The following DLGAP2 variants were observed in gnomAD, a reference collection of about 807,000 sequenced individuals.
The protein encoded by DLGAP2 is DLG associated protein 2, also known as disks large-associated protein 2.
DLGAP2 carries 26 observed loss-of-function variants against 100.3 expected under a neutral mutation model. The observed-to-expected ratio is 0.26, with a 90% CI of 0.19 to 0.36. The LOEUF (loss-of-function observed/expected upper bound fraction) is 0.36, where lower values mean the gene tolerates loss of function less well. DLGAP2 is among the 10% of genes least tolerant of loss of function. The pLI is 1.00. For missense variants in DLGAP2, 1,858 were observed against 1,453.2 expected, an observed-to-expected ratio of 1.28 and a Z score of -4.53; for synonymous variants, 886 against 630.1, an observed-to-expected ratio of 1.41 and a Z score of -6.08.
intron 3 of DLGAP2, among the ~76,000 whole-genome samples, chr8:1,333,493 C>T (rs1335349356): frequency 6.6e-6 from 1 of 152,122 alleles, no homozygotes; most frequent in Admixed American, 6.5e-5. Context: ...TTTGTGAGCT[C>T]TTCCACAGAC....
intron 3 of DLGAP2, among the ~76,000 whole-genome samples, chr8:1,388,648 G>A (rs1163345958): frequency 2.3e-5 from 2 of 85,242 alleles, no homozygotes; most frequent in African/African-American, 4.3e-5. Flanking sequence ...TCAGGGCTGT[G>A]AGAGGCAGAC....
chr8:771,974 C>T (rs1412371704), intron 1 of DLGAP2, among the ~76,000 whole-genome samples: 2 of 152,154 alleles, frequency 1.3e-5, no homozygotes, highest in Admixed American at 1.3e-4. Flanking sequence ...ACCATCATAG[C>T]TCACTATAGC....
At chr8:751,047 A>G (rs938686296) in intron 1 of DLGAP2, among the ~76,000 whole-genome samples, 1 of 151,564 alleles carries the variant, frequency 6.6e-6, no homozygotes, top group African/African-American at 2.4e-5. Flanking sequence ...GGAAAGGAGC[A>G]TTTTCCTGGA....
chr8:903,953 C>T (rs1798320412), intron 1 of DLGAP2, among the ~76,000 whole-genome samples: 1 of 152,216 alleles, frequency 6.6e-6, no homozygotes, highest in Non-Finnish European at 1.5e-5. Context: ...GCACGGGAGG[C>T]ATCAGGGAGG....
chr8:1,178,752 C>G (rs981365149), intron 2 of DLGAP2, among the ~76,000 whole-genome samples: 9 of 152,232 alleles, frequency 5.9e-5, no homozygotes, highest in Admixed American at 3.9e-4. Flanking sequence ...CAGAGACAGT[C>G]TTACCTGCAA....
intron 2 of DLGAP2, among the ~76,000 whole-genome samples, chr8:1,081,250 C>T (rs1803798420): frequency 6.6e-6 from 1 of 152,214 alleles, no homozygotes; most frequent in Non-Finnish European, 1.5e-5. Flanking sequence ...GAACTACTTA[C>T]AGGTTCCTGC....
chr8:1,445,696 A>C (rs1481870132), intron 3 of DLGAP2, among the ~76,000 whole-genome samples: 4 of 152,218 alleles, frequency 2.6e-5, no homozygotes, highest in African/African-American at 9.6e-5. Context: ...ACTAATTTAC[A>C]GTCCCACTAA....
chr8:1,179,017 G>A (rs1240395424), intron 2 of DLGAP2, among the ~76,000 whole-genome samples: 1 of 152,206 alleles, frequency 6.6e-6, no homozygotes, highest in Admixed American at 6.5e-5. Context: ...AGCCCCTGCT[G>A]TAAAACTCCC....
chr8:1,469,897 C>T (rs1389252806), intron 3 of DLGAP2, among the ~76,000 whole-genome samples: 2 of 151,922 alleles, frequency 1.3e-5, no homozygotes, highest in South Asian at 2.1e-4. Flanking sequence ...TGGTTTATGC[C>T]TGTAATCCCA....
At chr8:1,440,386 G>C (rs1183144989) in intron 3 of DLGAP2, among the ~76,000 whole-genome samples, 1 of 152,188 alleles carries the variant, frequency 6.6e-6, no homozygotes, top group Non-Finnish European at 1.5e-5. Flanking sequence ...AAAAGTGAAT[G>C]TAAATATACA....
chr8:1,172,111 T>G (rs1009894112), intron 2 of DLGAP2, among the ~76,000 whole-genome samples: 2 of 151,852 alleles, frequency 1.3e-5, no homozygotes, highest in South Asian at 2.1e-4. Context: ...TTTGCTTGTC[T>G]GTAAAGTATT....
intron 1 of DLGAP2, among the ~76,000 whole-genome samples, chr8:882,521 G>T (rs578012190): frequency 1.1e-5 from 1 of 92,050 alleles, no homozygotes; most frequent in Non-Finnish European, 2.1e-5. Context: ...CCTCCCCTGC[G>T]CGCACCCTCG....
At chr8:1,436,786 G>A (rs11782720) in intron 3 of DLGAP2, among the ~76,000 whole-genome samples, 19 of 151,778 alleles carry the variant, frequency 1.3e-4, no homozygotes, top group Non-Finnish European at 2.2e-4. Flanking sequence ...GAGCAGCTTC[G>A]GGTTCTGCAA....
chr8:1,123,022 A>C (rs1308648711), intron 2 of DLGAP2, among the ~76,000 whole-genome samples: 1 of 152,146 alleles, frequency 6.6e-6, no homozygotes, highest in Non-Finnish European at 1.5e-5. Flanking sequence ...TATGCCTTCA[A>C]ATCTTTTATA....
At chr8:1,179,076 G>T (rs1485578957) in intron 2 of DLGAP2, among the ~76,000 whole-genome samples, 2 of 152,242 alleles carry the variant, frequency 1.3e-5, no homozygotes, top group African/African-American at 4.8e-5. Context: ...ACTTAAACAG[G>T]CTTTAAAAGA....
chr8:1,387,424 C>G (rs1796245862), intron 3 of DLGAP2, among the ~76,000 whole-genome samples: 1 of 152,168 alleles, frequency 6.6e-6, no homozygotes, highest in Non-Finnish European at 1.5e-5. Flanking sequence ...CTGGGTTTGG[C>G]TACCTGGAGA....
intron 3 of DLGAP2, among the ~76,000 whole-genome samples, chr8:1,440,305 T>C (rs1391163766): frequency 1.3e-5 from 2 of 152,246 alleles, no homozygotes; most frequent in East Asian, 3.8e-4. Flanking sequence ...GTTTATTGAA[T>C]TTAACATTAA....
chr8:1,263,174 C>A (rs1272968407), intron 3 of DLGAP2, among the ~76,000 whole-genome samples: 1 of 152,096 alleles, frequency 6.6e-6, no homozygotes, highest in Non-Finnish European at 1.5e-5. Flanking sequence ...ATCGAGGCCT[C>A]AAGATTGGAA....
intron 1 of DLGAP2, among the ~76,000 whole-genome samples, chr8:779,208 G>T (rs1021596264): frequency 2.6e-5 from 4 of 152,236 alleles, no homozygotes; most frequent in African/African-American, 9.6e-5. Flanking sequence ...CTCGCGCATG[G>T]TGCGCGCACC....
Sources: gnomAD v4.1 joint callset for allele counts (sites outside exome capture counted in the v4.1 genomes callset) on GRCh38, gnomAD v4.1.1 for gene constraint, MANE v1.5 for transcripts, NCBI Gene and HGNC (gene_info 2026-07-23, HGNC 2026-07-21) for gene names.